The following C16orf78 variants were observed in gnomAD, a reference collection of about 807,000 sequenced individuals.
C16orf78 encodes chromosome 16 open reading frame 78, also known as uncharacterized protein C16orf78.
A neutral mutation model predicts 27.3 loss-of-function variants in C16orf78; 19 were observed. The observed-to-expected ratio is 0.70, with a 90% confidence interval of 0.49 to 1.02. The LOEUF is 1.02. Ranked by LOEUF, C16orf78 falls within the 50% of genes least tolerant of loss-of-function variation. C16orf78 has a pLI of 0.00. For synonymous variants in C16orf78, 130 were observed against 116.1 expected (o/e 1.12, Z -0.77); for missense variants, 339 against 337.0 (o/e 1.01, Z -0.05).
At chr16:49,375,416 G>A (rs1351560224) in intron 1 of C16orf78, among the ~76,000 whole-genome samples, 2 of 152,176 alleles carry the variant, frequency 1.3e-5, no homozygotes, top group African/African-American at 4.8e-5. Flanking sequence ...GTCTCAGGAA[G>A]CTTACAATCA....
At chr16:49,374,157 T>C in intron 1 of C16orf78, 68 bp downstream of exon 1, 2 of 1,564,000 alleles carry the variant, frequency 1.3e-6, no homozygotes, top group Non-Finnish European at 1.7e-6. Context: ...GGAGAGAGAT[T>C]GAACTTAACT....
intron 3 of C16orf78, among the ~76,000 whole-genome samples, chr16:49,380,268 A>G (rs1171130356): frequency 6.6e-6 from 1 of 152,206 alleles, no homozygotes; most frequent in African/African-American, 2.4e-5. Flanking sequence ...ATGTGAGTCA[A>G]TACTCCTTAA....
chr16:49,393,009 C>A (rs568784318), intron 3 of C16orf78, among the ~76,000 whole-genome samples: 3 of 152,170 alleles, frequency 2.0e-5, no homozygotes, highest in Admixed American at 6.5e-5. Context: ...GTTATTCTTG[C>A]GTGCTGCCAT....
At chr16:49,384,521 G>A (rs933508331) in intron 3 of C16orf78, among the ~76,000 whole-genome samples, 1 of 151,820 alleles carries the variant, frequency 6.6e-6, no homozygotes, top group Admixed American at 6.6e-5. Flanking sequence ...AAAAAAAAAG[G>A]AATGAAAAAT....
chr16:49,384,868 A>C (rs895927877), intron 3 of C16orf78, among the ~76,000 whole-genome samples: 1 of 152,242 alleles, frequency 6.6e-6, no homozygotes, highest in Admixed American at 6.5e-5. Context: ...GAAACCTTGC[A>C]CATCAGGAGA....
chr16:49,384,230 C>T (rs1965318832), intron 3 of C16orf78, among the ~76,000 whole-genome samples: 1 of 151,736 alleles, frequency 6.6e-6, no homozygotes, highest in African/African-American at 2.4e-5. Context: ...TGCCTGTAAT[C>T]CCAGCTACTC....
intron 3 of C16orf78, among the ~76,000 whole-genome samples, chr16:49,395,940 C>A (rs950799917): frequency 6.6e-6 from 1 of 151,890 alleles, no homozygotes; most frequent in African/African-American, 2.4e-5. Context: ...AAGGATTGAA[C>A]AAATAAAGAA....
rs1416939120 is a variant in C16orf78 at position 49,377,679 on chromosome 16, G to A, written c.151-52G>A. ...GCCTTCTCCTTGGGGAAAGGGAGGG[G>A]ATGCTGTCCCCACAGCAGTGGCTGC... On this transcript the variant is annotated intron_variant, in intron 1 of 4. Coordinates refer to ENST00000299191, the MANE Select transcript of C16orf78 (RefSeq NM_144602.4). 6.3e-6 allele frequency: 10 copies of A among 1,575,352 alleles called. No individual in the cohort carries two copies. In the East Asian group the frequency reaches 2.0e-4, roughly 32 times the overall value.
chr16:49,387,428 T>C (rs149203), intron 3 of C16orf78, among the ~76,000 whole-genome samples: 8,945 of 152,206 alleles, frequency 0.059, 672 homozygotes, highest in African/African-American at 0.17. Flanking sequence ...GATAGTTTCT[T>C]CTCTTGTGCA....
chr16:49,391,547 G>A (rs1364085982), intron 3 of C16orf78, among the ~76,000 whole-genome samples: 2 of 152,018 alleles, frequency 1.3e-5, no homozygotes, highest in Non-Finnish European at 1.5e-5. Context: ...TCATGTCCTC[G>A]GTTCACCACT....
At chr16:49,377,414 G>T (rs1019188450) in intron 1 of C16orf78, among the ~76,000 whole-genome samples, 1 of 152,122 alleles carries the variant, frequency 6.6e-6, no homozygotes, top group African/African-American at 2.4e-5. Context: ...AAGGCCACAA[G>T]GGGGCTGGAG....
chr16:49,397,326 A>C (rs189188153), intron 4 of C16orf78, among the ~76,000 whole-genome samples: 1 of 152,340 alleles, frequency 6.6e-6, no homozygotes, highest in East Asian at 1.9e-4. Context: ...AACTTTAGCA[A>C]ATAAGGAAAC....
Position 49,396,353 on chromosome 16 carries a change from C to G in C16orf78, c.395-70C>G. ...TCCATGCATTCCTCCAGCCTTCATC[C>G]CCTTCCTGCCTACCCCACCTCTCAC... On this transcript the variant is annotated intron_variant, in intron 3 of 4. Transcript: ENST00000299191. The G allele has an allele frequency of 2.6e-6, 4 of 1,548,950 alleles. No homozygotes were observed. In the South Asian group the frequency reaches 4.8e-5, roughly 18 times the overall value.
chr16:49,392,731 G>A (rs778888875), intron 3 of C16orf78, among the ~76,000 whole-genome samples: 7 of 152,116 alleles, frequency 4.6e-5, no homozygotes, highest in African/African-American at 7.2e-5. Context: ...GTACATGTGC[G>A]GGTTTGTTAC....
chr16:49,384,363 A>C (rs1167461155), intron 3 of C16orf78, among the ~76,000 whole-genome samples: 1 of 149,964 alleles, frequency 6.7e-6, no homozygotes, highest in Non-Finnish European at 1.5e-5. Flanking sequence ...AAAAAAAAAA[A>C]AAAAAGCAGA....
At chr16:49,381,744 C>T (rs1228238957) in intron 3 of C16orf78, among the ~76,000 whole-genome samples, 14 of 151,104 alleles carry the variant, frequency 9.3e-5, no homozygotes, top group Admixed American at 9.2e-4. Flanking sequence ...GAATGGCAAT[C>T]ATTAAAAAGT....
intron 4 of C16orf78, among the ~76,000 whole-genome samples, chr16:49,397,395 T>C (rs1965487438): frequency 6.6e-6 from 1 of 152,364 alleles, no homozygotes; most frequent in East Asian, 1.9e-4. Flanking sequence ...AGTAAACTCA[T>C]CTATAGGTTT....
At chr16:49,394,104 G>A (rs1214487712) in intron 3 of C16orf78, among the ~76,000 whole-genome samples, 1 of 152,044 alleles carries the variant, frequency 6.6e-6, no homozygotes, top group East Asian at 1.9e-4. Context: ...ATGGCACTAA[G>A]ACAAATGGTT....
At chr16:49,386,744 C>T (rs1304295308) in intron 3 of C16orf78, among the ~76,000 whole-genome samples, 3 of 152,190 alleles carry the variant, frequency 2.0e-5, no homozygotes, top group Non-Finnish European at 4.4e-5. Flanking sequence ...TAATGGCCTC[C>T]TGCTCCATCC....
Sources: gnomAD v4.1 joint callset for allele counts (sites outside exome capture counted in the v4.1 genomes callset) on GRCh38, gnomAD v4.1.1 for gene constraint, MANE v1.5 for transcripts, NCBI Gene and HGNC (gene_info 2026-07-23, HGNC 2026-07-21) for gene names.